DYNLL1: variants seen among roughly 807,000 people sequenced by gnomAD.
DYNLL1 encodes dynein light chain 1, cytoplasmic.
In DYNLL1, 3 loss-of-function variants were observed where a neutral mutation model predicts 10.1. The observed-to-expected ratio is 0.30, with a 90% CI of 0.14 to 0.77. DYNLL1 has a LOEUF of 0.77. DYNLL1 is among the 30% of genes least tolerant of loss of function. The pLI is 0.66. For synonymous variants in DYNLL1, 46 were observed against 41.2 expected (o/e 1.12, Z -0.45); for missense variants, 47 against 111.7 (o/e 0.42, Z 2.61).
chr12:120,473,707 A>AG (rs1458261800), intron 1 of DYNLL1, among the ~76,000 whole-genome samples: 1 of 151,360 alleles, frequency 6.6e-6, no homozygotes, highest in African/African-American at 2.4e-5. Context: ...AAAAAAAAAA[A>AG]AAAAAATTAA....
At chr12:120,496,909 C>G (rs1231902978) in intron 2 of DYNLL1, 1 of 183,664 alleles carries the variant, frequency 5.4e-6, no homozygotes, top group South Asian at 6.9e-5. Context: ...CCAGCCGGGC[C>G]GGGAGGAGAT....
chr12:120,498,309 G>A lies in DYNLL1; in HGVS notation c.*99G>A, dbSNP rs1196156657. 1.4e-6 allele frequency: 2 copies of A among 1,435,222 alleles called. No individual in the cohort carries two copies. The highest frequency in any genetic ancestry group is 1.9e-6 in the Non-Finnish European group (2 of 1,072,266). The allele number at this position is 1,435,222 out of a possible 1,614,324, so 88.9% of individuals were successfully genotyped here. ...GACTGAAATTTTCAGCCTTGCTAAGGGAACATCTCGATGTTTGAACCTTTG... is the reference window on the plus strand; with the variant it reads ...GACTGAAATTTTCAGCCTTGCTAAGAGAACATCTCGATGTTTGAACCTTTG... On this transcript the variant is annotated 3_prime_UTR_variant, in exon 3 of 3. Coordinates refer to ENST00000242577, the MANE Select transcript of DYNLL1 (RefSeq NM_003746.3).
upstream of DYNLL1, among the ~76,000 whole-genome samples, chr12:120,495,596 C>T (rs1879245781): frequency 6.6e-6 from 1 of 151,380 alleles, no homozygotes; most frequent in Non-Finnish European, 1.5e-5. Context: ...CCCACGAAGC[C>T]GGCCCTGCTT....
At chr12:120,496,832 C>G (rs1172508395) in intron 2 of DYNLL1, 2 of 595,982 alleles carry the variant, frequency 3.4e-6, no homozygotes, top group African/African-American at 1.9e-5. Flanking sequence ...GCGGTTCCCC[C>G]TTCTGTGTGG....
chr12:120,497,975 G>A, intron 2 of DYNLL1, 98 bp from the exon 3 acceptor site: 1 of 1,233,520 alleles, frequency 8.1e-7, no homozygotes, highest in East Asian at 2.5e-5. Context: ...AGATGCTGAC[G>A]TTCCTCCTTT....
chr12:120,491,857 T>G (rs959717214), upstream of DYNLL1: 1 of 152,264 alleles, frequency 6.6e-6, no homozygotes, highest in African/African-American at 2.4e-5. Context: ...TGAAGTACTC[T>G]GAACTATCCA....
intron 2 of DYNLL1, chr12:120,496,796 GCAACGGTATCTAAGA>G: frequency 1.6e-6 from 1 of 615,904 alleles, no homozygotes; most frequent in South Asian, 2.1e-5. Flanking sequence ...GCGCCACCTA[GCAACGGTATCTAAGA>G]TCAGGGAGCA....
At chr12:120,493,258 C>T (rs1438478589), upstream of DYNLL1, among the ~76,000 whole-genome samples, 1 of 152,146 alleles carries the variant, frequency 6.6e-6, no homozygotes, top group Admixed American at 6.5e-5. Context: ...ACTTATTAGG[C>T]CGGGTGCGAT....
At position 120,484,801 on chromosome 12, in the gene DYNLL1, C is replaced by T. The variant is rs142149903; in HGVS notation, c.-6-11615C>T. On this transcript the variant is annotated intron_variant, in intron 1 of 2. Transcript: ENST00000392509. ...ACACCCAGGCTGGAGTGCAATAGCG[C>T]AATCTCGGATCACTGCAACCTCCGC... Among the ~76,000 whole-genome samples, 130 of 151,342 alleles carry T rather than the reference C, an allele frequency of 8.6e-4. 1 individual carries two copies. The highest frequency in any genetic ancestry group is 3.0e-3 in the African/African-American group (122 of 41,256).
chr12:120,484,847 G>A (rs1037729118), intron 1 of DYNLL1, among the ~76,000 whole-genome samples: 3 of 151,696 alleles, frequency 2.0e-5, no homozygotes, highest in African/African-American at 4.8e-5. Flanking sequence ...GGGTTCAAGC[G>A]ATTCTCCTGC....
chr12:120,496,115 A>G lies in DYNLL1; in HGVS notation c.-108A>G, dbSNP rs946124658. The G allele has an allele frequency of 1.0e-5, 5 of 486,052 alleles. No homozygotes were observed. The highest frequency in any genetic ancestry group is 1.9e-5 in the Non-Finnish European group (5 of 269,170). The allele number at this position is 486,052 out of a possible 1,614,324, so 30.1% of individuals were successfully genotyped here. On this transcript the variant is annotated 5_prime_UTR_variant, in exon 1 of 3. An upstream start codon of the reference 5' UTR is lost. Coordinates refer to ENST00000242577, the MANE Select transcript of DYNLL1 (RefSeq NM_003746.3). The stretch of plus-strand genomic sequence containing the variant: ...CGGCGGCTGGCGTGGGGCTGCTTAG[A>G]TGCGCCACGGTTTCGGTAGCGACGG...
intron 1 of DYNLL1, among the ~76,000 whole-genome samples, chr12:120,479,291 A>G (rs960499175): frequency 4.7e-5 from 7 of 149,864 alleles, no homozygotes; most frequent in Non-Finnish European, 1.0e-4. Context: ...CGTCTCTACT[A>G]AAAATACAAA....
chr12:120,486,756 GAC>G (rs1879002773), intron 1 of DYNLL1, among the ~76,000 whole-genome samples: 1 of 152,084 alleles, frequency 6.6e-6, no homozygotes, highest in Non-Finnish European at 1.5e-5. Flanking sequence ...ATAGGCATGA[GAC>G]ACTGCACCTG....
rs1290622827 is a variant in DYNLL1, at chr12:120,498,427, A to G, written c.*217A>G. ...TACATTTGTATTTATTTTCTATTCC[A>G]TACTTCTGCCCACGTTGTTTTCTCT... On this transcript the variant is annotated 3_prime_UTR_variant, in exon 3 of 3. Transcript: ENST00000242577. The G allele has an allele frequency of 2.1e-6, 1 of 479,414 alleles. No individual in the cohort carries two copies. Among genetic ancestry groups the G allele is most frequent in the Non-Finnish European group, 3.5e-6 (1 of 285,018 alleles). The allele number at this position is 479,414 out of a possible 1,614,324, so 29.7% of individuals were successfully genotyped here. A position where few individuals can be genotyped will look rare whatever the true frequency, so the allele number is the denominator to read the frequency against.
chr12:120,484,990 T>C (rs1593001639), intron 1 of DYNLL1, among the ~76,000 whole-genome samples: 1 of 152,186 alleles, frequency 6.6e-6, no homozygotes, highest in East Asian at 1.9e-4. Context: ...TCCAACCACC[T>C]GGGCCTCCCA....
intron 1 of DYNLL1, 75 bp downstream of exon 1, chr12:120,496,291 G>T: frequency 7.1e-7 from 1 of 1,405,644 alleles, no homozygotes; most frequent in Non-Finnish European, 9.6e-7. Flanking sequence ...CCTCCGCGTA[G>T]CCCGCGCTTC....
chr12:120,470,448 G>A (rs1353570692), intron 1 of DYNLL1, among the ~76,000 whole-genome samples: 1 of 152,058 alleles, frequency 6.6e-6, no homozygotes. Flanking sequence ...GGACCTTACA[G>A]TGAGGCCTTG....
chr12:120,479,948 T>G (rs1451522528), intron 1 of DYNLL1, among the ~76,000 whole-genome samples: 1 of 152,198 alleles, frequency 6.6e-6, no homozygotes, highest in Non-Finnish European at 1.5e-5. Flanking sequence ...AAATGTTTAT[T>G]GTATATCCCT....
At chr12:120,478,842 G>A (rs1219017787) in intron 1 of DYNLL1, among the ~76,000 whole-genome samples, 1 of 144,978 alleles carries the variant, frequency 6.9e-6, no homozygotes, top group Admixed American at 6.9e-5. Flanking sequence ...CCGCCACCAC[G>A]CCCAGCTAAT....
Sources: allele counts gnomAD v4.1 joint callset (sites outside exome capture counted in the v4.1 genomes callset), GRCh38; gene constraint gnomAD v4.1.1; transcripts MANE v1.5; gene names NCBI Gene and HGNC (gene_info 2026-07-23, HGNC 2026-07-21).